Variants in PPP1R13B observed in about 807,000 individuals in gnomAD.
PPP1R13B encodes the protein protein phosphatase 1 regulatory subunit 13B, also known as apoptosis-stimulating of p53 protein 1.
In PPP1R13B, 44 loss-of-function variants were observed where a neutral mutation model predicts 119.8. The ratio of observed to expected loss-of-function variants is 0.37; its 90% CI spans 0.29 to 0.47. PPP1R13B has a LOEUF of 0.47. PPP1R13B is among the 20% of genes least tolerant of loss of function. The pLI, the probability that PPP1R13B is intolerant of heterozygous loss-of-function variation, is 0.99. For missense variants in PPP1R13B, 1,227 were observed against 1,413.5 expected (o/e 0.87, Z 2.12); for synonymous variants, 542 against 561.5 (o/e 0.97, Z 0.49).
intron 1 of PPP1R13B, among the ~76,000 whole-genome samples, chr14:103,819,885 TATCATTTTACAA>T (rs1442215497): frequency 1.3e-5 from 2 of 152,188 alleles, no homozygotes; most frequent in East Asian, 3.8e-4. Flanking sequence ...CTACAATTAT[TATCATTTTACAA>T]AGAGAAACCT....
chr14:103,832,416 T>A (rs1337118976), intron 1 of PPP1R13B, among the ~76,000 whole-genome samples: 2 of 152,102 alleles, frequency 1.3e-5, no homozygotes, highest in Non-Finnish European at 2.9e-5. Context: ...TCTAGTAATC[T>A]CAGATGCAGC....
chr14:103,739,158 G>T, intron 12 of PPP1R13B, 135 bp from the exon 13 acceptor site: 1 of 1,245,330 alleles, frequency 8.0e-7, no homozygotes, highest in Non-Finnish European at 1.1e-6. Context: ...AGTGGTAGCA[G>T]TAGCAGCGCC....
At chr14:103,771,376 G>T (rs185679238) in intron 4 of PPP1R13B, among the ~76,000 whole-genome samples, 3 of 151,686 alleles carry the variant, frequency 2.0e-5, no homozygotes, top group Non-Finnish European at 2.9e-5. Context: ...CAGAAGTCAC[G>T]TTCAGATTGA....
At chr14:103,752,007 A>G (rs895156311) in intron 7 of PPP1R13B, among the ~76,000 whole-genome samples, 1 of 152,230 alleles carries the variant, frequency 6.6e-6, no homozygotes, top group African/African-American at 2.4e-5. Context: ...TAAGTGAAAG[A>G]AGCCGGTCAC....
intron 4 of PPP1R13B, chr14:103,759,110 C>G (rs1052648402): frequency 8.5e-5 from 13 of 152,242 alleles, no homozygotes; most frequent in South Asian, 4.2e-4. Context: ...AGGTGCCCAC[C>G]ACCACACCCG....
intron 2 of PPP1R13B, among the ~76,000 whole-genome samples, chr14:103,795,623 T>C (rs994675603): frequency 2.6e-5 from 4 of 152,116 alleles, no homozygotes; most frequent in African/African-American, 9.7e-5. Context: ...GGAATTAGAA[T>C]TGATAACAAG....
chr14:103,821,340 T>C (rs531942116), intron 1 of PPP1R13B, among the ~76,000 whole-genome samples: 2 of 152,298 alleles, frequency 1.3e-5, no homozygotes, highest in Admixed American at 6.5e-5. Context: ...CTGATAATAA[T>C]GGGCACTGAA....
intron 16 of PPP1R13B, 56 bp from the exon 17 acceptor site, chr14:103,735,251 A>T: frequency 6.3e-7 from 1 of 1,586,040 alleles, no homozygotes; most frequent in Non-Finnish European, 8.6e-7. Context: ...GAGCAGGGCC[A>T]GCCAGACCCG....
At chr14:103,846,290 G>T (rs2087029954) in intron 1 of PPP1R13B, among the ~76,000 whole-genome samples, 1 of 152,208 alleles carries the variant, frequency 6.6e-6, no homozygotes, top group Non-Finnish European at 1.5e-5. Context: ...CAAGAGAAAG[G>T]AAATCAAAGA....
chr14:103,822,735 C>T (rs928714296), intron 1 of PPP1R13B, among the ~76,000 whole-genome samples: 2 of 151,990 alleles, frequency 1.3e-5, no homozygotes, highest in Non-Finnish European at 2.9e-5. Flanking sequence ...ATCACTTGAA[C>T]CTGGGAGGCA....
intron 1 of PPP1R13B, among the ~76,000 whole-genome samples, chr14:103,836,696 G>C (rs1227782890): frequency 6.6e-6 from 1 of 151,856 alleles, no homozygotes; most frequent in African/African-American, 2.4e-5. Context: ...CTCAAACCTG[G>C]GAGGCGGAGG....
chr14:103,780,450 G>A (rs1055612569), intron 3 of PPP1R13B, among the ~76,000 whole-genome samples: 3 of 122,584 alleles, frequency 2.4e-5, no homozygotes, highest in Admixed American at 2.2e-4. Context: ...TCATGCCACT[G>A]CACTCCAGCC....
chr14:103,802,977 A>C (rs551578851), intron 1 of PPP1R13B, among the ~76,000 whole-genome samples: 2 of 152,188 alleles, frequency 1.3e-5, no homozygotes, highest in East Asian at 3.8e-4. Flanking sequence ...TAATCATGGC[A>C]GACTTTAAAG....
At chr14:103,805,025 T>C (rs1352014278) in intron 1 of PPP1R13B, among the ~76,000 whole-genome samples, 1 of 152,052 alleles carries the variant, frequency 6.6e-6, no homozygotes, top group African/African-American at 2.4e-5. Flanking sequence ...TCAGTAGAGA[T>C]GGGGTTTCAC....
intron 4 of PPP1R13B, among the ~76,000 whole-genome samples, chr14:103,778,261 G>A (rs1488939053): frequency 2.0e-4 from 24 of 117,846 alleles, no homozygotes; most frequent in African/African-American, 8.3e-4. Context: ...GGCCACATCT[G>A]ACTTTTTTTT....
At chr14:103,739,248 C>T in intron 12 of PPP1R13B, 1 of 549,654 alleles carries the variant, frequency 1.8e-6, no homozygotes, top group South Asian at 3.0e-5. Flanking sequence ...GAGTCCCTGG[C>T]TCACGCACAG....
chr14:103,778,694 C>A (rs762027872), intron 4 of PPP1R13B, 51 bp downstream of exon 4: 1 of 1,464,486 alleles, frequency 6.8e-7, no homozygotes, highest in Non-Finnish European at 9.6e-7. Context: ...GTGTAACCCA[C>A]TGCACCTAGC....
chr14:103,735,757 G>A lies in PPP1R13B; in HGVS notation c.3231+246C>T, dbSNP rs569552062. 9.2e-5 allele frequency among the ~76,000 whole-genome samples: 14 copies of A among 152,158 alleles called. No individual in the cohort carries two copies. In the South Asian group the frequency reaches 1.9e-3, roughly 20 times the overall value. On this transcript the variant is annotated intron_variant, in intron 16 of 16. Coordinates refer to ENST00000202556, the MANE Select transcript of PPP1R13B (RefSeq NM_015316.3). ...TCATCATGAACCGAGCTCATTGAGC[G>A]GCCCCTCACTGGGGCACTCAGCCTC...
At chr14:103,747,313 A>C (rs2084410825) in intron 8 of PPP1R13B, 1 of 152,138 alleles carries the variant, frequency 6.6e-6, no homozygotes, top group Non-Finnish European at 1.5e-5. Flanking sequence ...CAATTGCTCA[A>C]AGGTACCTAG....
Sources: gnomAD v4.1 joint callset for allele counts (sites outside exome capture counted in the v4.1 genomes callset) on GRCh38, gnomAD v4.1.1 for gene constraint, MANE v1.5 for transcripts, NCBI Gene and HGNC (gene_info 2026-07-23, HGNC 2026-07-21) for gene names.